NCKAP1: variants seen among roughly 807,000 people sequenced by gnomAD.
NCKAP1 encodes NCK associated protein 1, also known as nck-associated protein 1.
In NCKAP1, 21 loss-of-function variants were observed where a neutral mutation model predicts 151.2. The observed-to-expected ratio is 0.14, with a 90% CI of 0.10 to 0.20. The LOEUF (loss-of-function observed/expected upper bound fraction) is 0.20, where lower values mean the gene tolerates loss of function less well. NCKAP1 is among the 10% of genes least tolerant of loss of function. The pLI is 1.00. For synonymous variants in NCKAP1, 484 were observed against 451.8 expected (o/e 1.07, Z -0.90); for missense variants, 933 against 1,352.1 (o/e 0.69, Z 4.86).
chr2:182,915,517 A>G lies in NCKAP1; in HGVS notation c.*10185T>C, dbSNP rs1696453515. 6.6e-6 allele frequency: 1 copy of G among 152,212 alleles called. No homozygotes were observed. The highest frequency in any genetic ancestry group is 2.4e-5 in the African/African-American group (1 of 41,440). The allele number at this position is 152,212 out of a possible 1,614,324, so 9.4% of individuals were successfully genotyped here. A position where few individuals can be genotyped will look rare whatever the true frequency, so the allele number is the denominator to read the frequency against. On this transcript the variant is annotated 3_prime_UTR_variant, in exon 31 of 31. Transcript: ENST00000361354. ...CAGCAGCAGAGGCATTCATTCTCCA[A>G]GGGTGTTCTATGAGCCTTATTGGTC...
intron 15 of NCKAP1, among the ~76,000 whole-genome samples, chr2:182,968,433 C>T (rs981672911): frequency 2.6e-5 from 4 of 152,176 alleles, no homozygotes; most frequent in African/African-American, 9.7e-5. Context: ...TCCCACACAC[C>T]TTGCTGGGTA....
At chr2:182,940,165 G>C (rs1010012363) in intron 24 of NCKAP1, among the ~76,000 whole-genome samples, 11 of 152,062 alleles carry the variant, frequency 7.2e-5, no homozygotes, top group Non-Finnish European at 1.5e-4. Flanking sequence ...CTGTTAGTAG[G>C]AAAGTAAATA....
Position 182,953,028 on chromosome 2 carries a change from A to C in NCKAP1, c.2372+85T>G. 6 of 1,479,810 alleles carry C rather than the reference A, an allele frequency of 4.1e-6. No homozygotes were observed. In the South Asian group the frequency reaches 8.0e-5, roughly 20 times the overall value. 91.7% of individuals were successfully genotyped at this position (1,479,810 alleles called of 1,614,324 possible). The stretch of plus-strand genomic sequence containing the variant: ...TTTAAGTTGACTGATAATATGAATA[A>C]GTACTTATTCACAAAAAAATTAATT... On this transcript the variant is annotated intron_variant, in intron 21 of 30. Transcript: ENST00000361354.
intron 23 of NCKAP1, among the ~76,000 whole-genome samples, chr2:182,943,656 C>G (rs982808419): frequency 2.0e-5 from 3 of 151,814 alleles, no homozygotes; most frequent in Non-Finnish European, 4.4e-5. Flanking sequence ...AAAAAAAACC[C>G]AACTACTAAC....
At chr2:182,983,430 T>G (rs1167169733) in intron 10 of NCKAP1, 48 bp from the exon 11 acceptor site, 2 of 1,361,642 alleles carry the variant, frequency 1.5e-6, no homozygotes, top group African/African-American at 2.9e-5. Context: ...ACTAAAATTA[T>G]TATTGGCAAT....
At chr2:183,011,881 C>T (rs535846392) in intron 2 of NCKAP1, among the ~76,000 whole-genome samples, 1 of 152,238 alleles carries the variant, frequency 6.6e-6, no homozygotes, top group South Asian at 2.1e-4. Flanking sequence ...ATTCAGACAA[C>T]AAATATCTTA....
At chr2:183,029,071 C>T (rs1052570239) in intron 1 of NCKAP1, among the ~76,000 whole-genome samples, 14 of 151,844 alleles carry the variant, frequency 9.2e-5, no homozygotes, top group African/African-American at 3.4e-4. Context: ...GAGCCAAGAT[C>T]GCGCCACTGC....
chr2:182,958,547 A>T (rs1697372713), intron 18 of NCKAP1, among the ~76,000 whole-genome samples: 1 of 152,220 alleles, frequency 6.6e-6, no homozygotes, highest in South Asian at 2.1e-4. Context: ...ACAAGGCATG[A>T]AAAAGGGATA....
chr2:182,987,962 C>A (rs1439134842), intron 9 of NCKAP1, among the ~76,000 whole-genome samples: 1 of 152,090 alleles, frequency 6.6e-6, no homozygotes, highest in Non-Finnish European at 1.5e-5. Context: ...TGGAAATGTT[C>A]TTACATCTTG....
intron 1 of NCKAP1, among the ~76,000 whole-genome samples, chr2:183,033,382 C>A (rs1186119964): frequency 2.0e-5 from 3 of 152,184 alleles, no homozygotes; most frequent in Non-Finnish European, 4.4e-5. Flanking sequence ...TACTTCAAAA[C>A]CAAGTACAAA....
In NCKAP1 at chr2:182,909,613, C is replaced by G. The variant is rs78005758; in HGVS notation, c.*16089G>C. ...TTTGATTCATTTGTTGATGGACGCT[C>G]GGATTTACTGCCTTTTCTTGTATGT... On this transcript the variant is annotated 3_prime_UTR_variant, in exon 31 of 31. Transcript: ENST00000361354. The G allele has an allele frequency of 6.6e-6, 1 of 152,230 alleles. No individual in the cohort carries two copies. Among genetic ancestry groups the G allele is most frequent in the South Asian group, 2.1e-4 (1 of 4,828 alleles). 9.4% of individuals were successfully genotyped at this position (152,230 alleles called of 1,614,324 possible).
At chr2:183,017,971 C>T (rs757639776) in intron 2 of NCKAP1, among the ~76,000 whole-genome samples, 14 of 152,184 alleles carry the variant, frequency 9.2e-5, no homozygotes, top group African/African-American at 1.2e-4. Context: ...GATACCTGGC[C>T]GGGTGCGGTG....
intron 2 of NCKAP1, among the ~76,000 whole-genome samples, chr2:183,007,663 T>TAA (rs939970988): frequency 1.3e-5 from 2 of 151,336 alleles, no homozygotes; most frequent in Admixed American, 6.6e-5. Flanking sequence ...TTGTTCCTCT[T>TAA]AAAAAAAAAC....
chr2:183,013,730 C>T (rs1698632343), intron 2 of NCKAP1, among the ~76,000 whole-genome samples: 1 of 152,140 alleles, frequency 6.6e-6, no homozygotes, highest in African/African-American at 2.4e-5. Flanking sequence ...TAGCTAAGGT[C>T]CTCACTATGG....
chr2:183,035,202 C>T (rs1408694003), intron 1 of NCKAP1, among the ~76,000 whole-genome samples: 1 of 152,000 alleles, frequency 6.6e-6, no homozygotes, highest in East Asian at 1.9e-4. Flanking sequence ...TGTGTTCCTA[C>T]ATCCTCCGTC....
chr2:182,959,470 G>A (rs1697395397), intron 18 of NCKAP1, among the ~76,000 whole-genome samples: 1 of 152,150 alleles, frequency 6.6e-6, no homozygotes, highest in South Asian at 2.1e-4. Flanking sequence ...CATATAAACA[G>A]AACCAACGAC....
intron 26 of NCKAP1, among the ~76,000 whole-genome samples, chr2:182,931,310 T>A (rs895089739): frequency 2.6e-5 from 4 of 152,078 alleles, no homozygotes; most frequent in African/African-American, 9.7e-5. Flanking sequence ...GTATCACATA[T>A]AGATTTCAAA....
chr2:182,960,114 C>T (rs1317745894), intron 18 of NCKAP1, among the ~76,000 whole-genome samples: 2 of 152,274 alleles, frequency 1.3e-5, no homozygotes, highest in African/African-American at 2.4e-5. Context: ...ATTCCATGCT[C>T]ATGGGTAGGA....
intron 1 of NCKAP1, among the ~76,000 whole-genome samples, chr2:183,029,924 T>G (rs1387079825): frequency 6.6e-6 from 1 of 152,102 alleles, no homozygotes; most frequent in Non-Finnish European, 1.5e-5. Flanking sequence ...GCAATTATTG[T>G]GTGCAAAACA....
Sources: gnomAD v4.1 joint callset for allele counts (sites outside exome capture counted in the v4.1 genomes callset) on GRCh38, gnomAD v4.1.1 for gene constraint, MANE v1.5 for transcripts, NCBI Gene and HGNC (gene_info 2026-07-23, HGNC 2026-07-21) for gene names.